The following USH2A variants were observed in gnomAD, a reference collection of about 807,000 sequenced individuals.
USH2A encodes usherin.
Under a neutral mutation model 538.9 loss-of-function variants are expected in USH2A, and 443 were observed. The observed-to-expected ratio is 0.82, with a 90% CI of 0.76 to 0.89. The LOEUF is 0.89. Among genes scored for constraint, USH2A ranks in the 40% least tolerant of loss-of-function variants. The probability of loss-of-function intolerance (pLI) is 0.00; values close to 1 mark genes in which losing one functional copy is unlikely to be tolerated. For missense variants in USH2A, 6,633 were observed against 6,324.8 expected (o/e 1.05, Z -1.65); for synonymous variants, 2,413 against 2,273.5 (o/e 1.06, Z -1.75).
At chr1:216,310,238 T>A (rs897818358) in intron 9 of USH2A, among the ~76,000 whole-genome samples, 1 of 152,138 alleles carries the variant, frequency 6.6e-6, no homozygotes, top group Non-Finnish European at 1.5e-5. Flanking sequence ...TTTTACCTTT[T>A]GTGGTTTTAG....
At chr1:216,247,628 G>C (rs2036078937) in intron 12 of USH2A, among the ~76,000 whole-genome samples, 1 of 152,138 alleles carries the variant, frequency 6.6e-6, no homozygotes, top group Non-Finnish European at 1.5e-5. Flanking sequence ...CTCTAAAGAT[G>C]TTTAATAAAA....
At chr1:215,650,921 A>G in intron 64 of USH2A, 120 bp from the exon 65 acceptor site, 2 of 1,058,654 alleles carry the variant, frequency 1.9e-6, no homozygotes, top group Non-Finnish European at 1.4e-6. Context: ...CACAACAGGA[A>G]GAGATAAACT....
chr1:215,811,888 C>G (rs1662698623), intron 49 of USH2A, among the ~76,000 whole-genome samples: 2 of 148,612 alleles, frequency 1.3e-5, no homozygotes, highest in Admixed American at 1.4e-4. Flanking sequence ...GCCTGGGCAA[C>G]AAGAGCAAAA....
intron 32 of USH2A, among the ~76,000 whole-genome samples, chr1:216,004,924 A>G (rs1420390407): frequency 6.6e-6 from 1 of 152,170 alleles, no homozygotes; most frequent in Non-Finnish European, 1.5e-5. Flanking sequence ...AGGTGGGTAG[A>G]TGGTAGCAGA....
chr1:215,761,539 A>G (rs1211915058), intron 56 of USH2A, among the ~76,000 whole-genome samples: 3 of 152,154 alleles, frequency 2.0e-5, no homozygotes, highest in Admixed American at 6.5e-5. Context: ...ATGTATCTCT[A>G]TGGATAACAC....
chr1:215,940,181 GA>G (rs1192788275), intron 37 of USH2A, among the ~76,000 whole-genome samples: 4 of 152,106 alleles, frequency 2.6e-5, no homozygotes, highest in Admixed American at 1.3e-4. Context: ...CCTTAAGGTA[GA>G]AAAGGTATTA....
chr1:215,888,778 G>A lies in USH2A; in HGVS notation c.7871C>T (p.Pro2624Leu), dbSNP rs748455430. 1.3e-5 allele frequency: 21 copies of A among 1,613,954 alleles called. No individual in the cohort carries two copies. Among genetic ancestry groups the A allele is most frequent in the Admixed American group, 5.0e-5 (3 of 59,990 alleles). The change falls in exon 41 of 72, where the codon CCG becomes CTG. Residue 2624 changes from proline (P) to leucine (L), a missense_variant. Transcript: ENST00000307340. ...CAGCTCTGGACTTGGGATCCCTTCC[G>A]GTGCCCCTGGGAGTGTCCATACAGT... Reference protein sequence around the residue: ...SQTVWTLPGAPEGIPSPELFS... With the variant: ...SQTVWTLPGALEGIPSPELFS...
chr1:216,177,697 C>T (rs1213467972), intron 20 of USH2A, among the ~76,000 whole-genome samples: 1 of 152,006 alleles, frequency 6.6e-6, no homozygotes, highest in Non-Finnish European at 1.5e-5. Context: ...CTGGGAAACC[C>T]TAGGAGTCAC....
chr1:216,287,285 A>G (rs1263586759), intron 11 of USH2A, among the ~76,000 whole-genome samples: 2 of 152,214 alleles, frequency 1.3e-5, no homozygotes, highest in Non-Finnish European at 2.9e-5. Context: ...AACTAGGAAT[A>G]GAGAAAAATT....
intron 61 of USH2A, among the ~76,000 whole-genome samples, chr1:215,687,378 TTC>T (rs201184418): frequency 1.5e-3 from 218 of 148,120 alleles, no homozygotes; most frequent in African/African-American, 5.3e-3. Flanking sequence ...GGTTTTTTTT[TTC>T]CTCTCTTTAG....
intron 61 of USH2A, among the ~76,000 whole-genome samples, chr1:215,683,671 C>T (rs1658318441): frequency 6.6e-6 from 1 of 152,114 alleles, no homozygotes; most frequent in South Asian, 2.1e-4. Context: ...GACGATTTTC[C>T]TTCCTTTTAC....
intron 22 of USH2A, among the ~76,000 whole-genome samples, chr1:216,093,847 A>T (rs947448250): frequency 6.6e-6 from 1 of 152,220 alleles, no homozygotes; most frequent in Non-Finnish European, 1.5e-5. Context: ...GCAAAGTTTC[A>T]TTGAATAAAA....
chr1:216,063,545 C>G (rs1211683560), intron 30 of USH2A, among the ~76,000 whole-genome samples: 6 of 152,048 alleles, frequency 3.9e-5, no homozygotes, highest in African/African-American at 1.2e-4. Context: ...ATTCATAGTA[C>G]ACATTGGCAA....
chr1:216,110,948 G>A (rs2032852359), intron 21 of USH2A, among the ~76,000 whole-genome samples: 1 of 152,066 alleles, frequency 6.6e-6, no homozygotes, highest in Non-Finnish European at 1.5e-5. Context: ...GTATCTGGCC[G>A]GGCATGGTGG....
Position 215,888,830 on chromosome 1 carries a change from CT to C in USH2A, c.7818del (p.Gly2607AspfsTer34), listed in dbSNP as rs1196636083. The C allele has an allele frequency of 6.2e-7, 1 of 1,614,018 alleles. No homozygotes were observed. The highest frequency in any genetic ancestry group is 2.2e-5 in the East Asian group (1 of 44,894). On this transcript the variant is annotated frameshift_variant, in exon 41 of 72. Transcript: ENST00000307340. LOFTEE classifies it high-confidence loss of function. ...YKFQVEACTS[K>X]GCSLSPESQT... ...TGGGACTCTGGTGAAAGGGAACATCCTTTTGAAGTGCAGGCTTCTACCTGAA... is the reference window on the plus strand; with the variant it reads ...TGGGACTCTGGTGAAAGGGAACATCCTTTGAAGTGCAGGCTTCTACCTGAA...
intron 42 of USH2A, among the ~76,000 whole-genome samples, chr1:215,878,210 T>C (rs976187659): frequency 1.3e-5 from 2 of 152,192 alleles, no homozygotes; most frequent in African/African-American, 2.4e-5. Flanking sequence ...GCTTATCAAG[T>C]TAATGGTTTC....
intron 37 of USH2A, among the ~76,000 whole-genome samples, chr1:215,943,849 T>C (rs1418289058): frequency 6.6e-6 from 1 of 152,206 alleles, no homozygotes; most frequent in Non-Finnish European, 1.5e-5. Context: ...ATTCCTTTAA[T>C]ATAATTCATC....
intron 60 of USH2A, among the ~76,000 whole-genome samples, chr1:215,739,568 A>T (rs1660245027): frequency 6.6e-6 from 1 of 152,238 alleles, no homozygotes; most frequent in African/African-American, 2.4e-5. Context: ...AACTATTTCA[A>T]GAGGGTGGAC....
At chr1:216,168,350 T>C (rs530088681) in intron 21 of USH2A, among the ~76,000 whole-genome samples, 1 of 152,088 alleles carries the variant, frequency 6.6e-6, no homozygotes, top group East Asian at 1.9e-4. Context: ...ACTGGACAAT[T>C]TGAGCAGGTA....
Sources: gnomAD v4.1 joint callset for allele counts (sites outside exome capture counted in the v4.1 genomes callset) on GRCh38, gnomAD v4.1.1 for gene constraint, MANE v1.5 for transcripts, NCBI Gene and HGNC (gene_info 2026-07-23, HGNC 2026-07-21) for gene names.